The following RIBC2 variants were observed in gnomAD, a reference collection of about 807,000 sequenced individuals.
RIBC2 encodes the protein RIB43A domain with coiled-coils 2.
Under a neutral mutation model 44.3 loss-of-function variants are expected in RIBC2, and 40 were observed. The observed-to-expected ratio is 0.90, with a 90% CI of 0.70 to 1.18. RIBC2 has a LOEUF of 1.18. RIBC2 is among the 50% of genes most tolerant of loss of function. RIBC2 has a pLI of 0.00. For missense variants in RIBC2, 459 were observed against 485.5 expected (o/e 0.95, Z 0.51); for synonymous variants, 171 against 175.0 (o/e 0.98, Z 0.18).
At chr22:45,425,899 GC>G in intron 4 of RIBC2, 48 bp from the exon 5 acceptor site, 1 of 1,509,924 alleles carries the variant, frequency 6.6e-7, no homozygotes, top group East Asian at 2.3e-5. Flanking sequence ...GTGTCAGAAT[GC>G]CCCTGGGGTC....
In RIBC2 at chr22:45,413,850, C is replaced by T. The variant is rs530227956; in HGVS notation, c.-37C>T. Reference sequence around the variant, plus strand: ...TTCCTTATTTTCGTCGCCTGTTCTCCTGATCCTGCGTGTTCTAAAAACCCC... The same window carrying T: ...TTCCTTATTTTCGTCGCCTGTTCTCTTGATCCTGCGTGTTCTAAAAACCCC... On this transcript the variant is annotated 5_prime_UTR_variant, in exon 1 of 7. Transcript: ENST00000614167. 1.3e-6 allele frequency: 2 copies of T among 1,521,078 alleles called. No homozygotes were observed. The highest frequency in any genetic ancestry group is 2.8e-5 in the African/African-American group (2 of 72,026). The allele number at this position is 1,521,078 out of a possible 1,614,324, so 94.2% of individuals were successfully genotyped here. A position where few individuals can be genotyped will look rare whatever the true frequency, so the allele number is the denominator to read the frequency against.
At chr22:45,420,189 C>T (rs1490000388) in intron 3 of RIBC2, among the ~76,000 whole-genome samples, 1 of 152,202 alleles carries the variant, frequency 6.6e-6, no homozygotes, top group Non-Finnish European at 1.5e-5. Flanking sequence ...ATTCTTTCCA[C>T]ACTATCTTGC....
chr22:45,420,049 C>T (rs1237610460), intron 3 of RIBC2, among the ~76,000 whole-genome samples: 1 of 152,116 alleles, frequency 6.6e-6, no homozygotes, highest in Non-Finnish European at 1.5e-5. Flanking sequence ...AAGCATCTCT[C>T]AGCTGCTCTT....
chr22:45,431,552 C>T (rs1255674801), intron 6 of RIBC2, among the ~76,000 whole-genome samples: 3 of 152,212 alleles, frequency 2.0e-5, no homozygotes, highest in Non-Finnish European at 4.4e-5. Context: ...TATTTATTTA[C>T]TTATTTATCT....
At chr22:45,430,130 C>G (rs2087566029) in intron 5 of RIBC2, among the ~76,000 whole-genome samples, 1 of 152,344 alleles carries the variant, frequency 6.6e-6, no homozygotes, top group African/African-American at 2.4e-5. Context: ...GGTGACAAAG[C>G]CCGCCAGCCT....
At chr22:45,427,622 G>C (rs1199251021) in intron 5 of RIBC2, among the ~76,000 whole-genome samples, 1 of 152,198 alleles carries the variant, frequency 6.6e-6, no homozygotes, top group Non-Finnish European at 1.5e-5. Context: ...AATGTGAGTC[G>C]TCACCTACAG....
chr22:45,416,488 A>G (rs936608675), intron 2 of RIBC2, among the ~76,000 whole-genome samples: 1 of 152,102 alleles, frequency 6.6e-6, no homozygotes, highest in Middle Eastern at 3.2e-3. Context: ...TTTGAGATGG[A>G]GTCTTGCTCT....
chr22:45,427,201 A>T (rs1023787485), intron 5 of RIBC2, among the ~76,000 whole-genome samples: 30 of 152,208 alleles, frequency 2.0e-4, no homozygotes, highest in African/African-American at 6.8e-4. Context: ...AGTAGACTAA[A>T]TCCTCAGGAA....
At chr22:45,421,220 A>G (rs951263961) in intron 3 of RIBC2, among the ~76,000 whole-genome samples, 3 of 151,634 alleles carry the variant, frequency 2.0e-5, no homozygotes, top group African/African-American at 4.9e-5. Context: ...GCTGGAACCC[A>G]GGAGGCAGAG....
intron 5 of RIBC2, among the ~76,000 whole-genome samples, chr22:45,429,675 C>T (rs1017873913): frequency 6.6e-5 from 10 of 152,070 alleles, no homozygotes; most frequent in African/African-American, 1.7e-4. Context: ...GTGGAAAGGG[C>T]GCCGGGGCTG....
At chr22:45,423,865 C>T (rs1183492292) in intron 4 of RIBC2, among the ~76,000 whole-genome samples, 1 of 152,170 alleles carries the variant, frequency 6.6e-6, no homozygotes, top group Non-Finnish European at 1.5e-5. Context: ...AAGTGAATGG[C>T]AGGATGTGGG....
At chr22:45,416,399 A>G (rs2087425355) in intron 2 of RIBC2, among the ~76,000 whole-genome samples, 1 of 152,186 alleles carries the variant, frequency 6.6e-6, no homozygotes, top group Admixed American at 6.5e-5. Context: ...GGATATTGAA[A>G]AATTGTTTCG....
chr22:45,424,816 C>T (rs938356290), intron 4 of RIBC2, among the ~76,000 whole-genome samples: 1 of 139,874 alleles, frequency 7.1e-6, no homozygotes, highest in African/African-American at 2.7e-5. Flanking sequence ...TGTGTAGTGG[C>T]GCGATCTTGG....
At chr22:45,431,721 G>A (rs1197610414) in intron 6 of RIBC2, among the ~76,000 whole-genome samples, 1 of 152,160 alleles carries the variant, frequency 6.6e-6, no homozygotes, top group African/African-American at 2.4e-5. Flanking sequence ...TGTAATCCCA[G>A]CACTTTGGGA....
chr22:45,418,918 C>T (rs565949940), intron 3 of RIBC2, among the ~76,000 whole-genome samples: 1 of 152,308 alleles, frequency 6.6e-6, no homozygotes, highest in African/African-American at 2.4e-5. Flanking sequence ...GTCGCCCAAT[C>T]CAAGGTCGGT....
chr22:45,431,033 G>T lies in RIBC2; in HGVS notation c.1037G>T (p.Ser346Ile). Residue 346 changes from serine to isoleucine, a missense_variant, in exon 6 of 7, where the codon AGC becomes ATC. By Grantham distance (142) the Ser-to-Ile change is moderately radical. Transcript: ENST00000614167. ...GACCTGCGCAGAGCTCTGGACAGCA[G>T]CAACCTCAGCCTGGCCAAGGAGCAG... is the stretch of plus-strand genomic sequence containing the variant. ...QRDLRRALDS[S>I]NLSLAKEQHL... The T allele has an allele frequency of 6.3e-7, 1 of 1,582,928 alleles. No homozygotes were observed. The highest frequency in any genetic ancestry group is 8.6e-7 in the Non-Finnish European group (1 of 1,164,854).
chr22:45,431,352 G>T (rs908742067), intron 6 of RIBC2, among the ~76,000 whole-genome samples: 25 of 152,140 alleles, frequency 1.6e-4, no homozygotes, highest in Admixed American at 5.9e-4. Context: ...GGCTTCATTG[G>T]TGAGACCCAG....
In RIBC2 at chr22:45,413,723, T is replaced by C. The variant is rs117765771; in HGVS notation, c.-164T>C. 803 of 1,161,986 alleles carry C rather than the reference T, an allele frequency of 6.9e-4. 4 individuals are homozygous for C. The East Asian group carries it at 0.02, about 29-fold the overall frequency. 72.0% of individuals were successfully genotyped at this position (1,161,986 alleles called of 1,614,324 possible). Reference sequence around the variant, plus strand: ...TGACATTTCCGAGAGAGCGGGAGCGTCTGTACCTCTGCGGCGTCACTGGGA... The same window carrying C: ...TGACATTTCCGAGAGAGCGGGAGCGCCTGTACCTCTGCGGCGTCACTGGGA... On this transcript the variant is annotated 5_prime_UTR_variant, in exon 1 of 7. Transcript: ENST00000614167.
In RIBC2 at chr22:45,423,756, C is replaced by G. The variant is rs534867612; in HGVS notation, c.675+1348C>G. Reference sequence around the variant, plus strand: ...AGACACCTGAAGTCCGAGCTCACCACCCAGTGAGCTGCAAAGGTCTTAGAG... The same window carrying G: ...AGACACCTGAAGTCCGAGCTCACCAGCCAGTGAGCTGCAAAGGTCTTAGAG... On this transcript the variant is annotated intron_variant, in intron 4 of 6. Transcript: ENST00000614167. Among the ~76,000 whole-genome samples the G allele has an allele frequency of 2.0e-5, 3 of 152,212 alleles. No individual in the cohort carries two copies. The South Asian group carries it at 6.2e-4, about 32-fold the overall frequency.
Sources: gnomAD v4.1 joint callset for allele counts (sites outside exome capture counted in the v4.1 genomes callset) on GRCh38, gnomAD v4.1.1 for gene constraint, MANE v1.5 for transcripts, NCBI Gene and HGNC (gene_info 2026-07-23, HGNC 2026-07-21) for gene names.